The following MAP3K21 variants were observed in gnomAD, a reference collection of about 807,000 sequenced individuals.
The protein encoded by MAP3K21 is mitogen-activated protein kinase kinase kinase MLK4.
Under a neutral mutation model 86.1 loss-of-function variants are expected in MAP3K21, and 63 were observed. The observed-to-expected ratio is 0.73, with a 90% CI of 0.60 to 0.90. The LOEUF (loss-of-function observed/expected upper bound fraction) is 0.90. Ranked by LOEUF, MAP3K21 falls within the 40% of genes least tolerant of loss-of-function variation. The pLI is 0.00. For synonymous variants in MAP3K21, 558 were observed against 564.8 expected, an observed-to-expected ratio of 0.99 and a Z score of 0.17; for missense variants, 1,220 against 1,367.7, an observed-to-expected ratio of 0.89 and a Z score of 1.70.
At chr1:233,372,735 T>C (rs1663709291) in intron 6 of MAP3K21, 1 of 152,488 alleles carries the variant, frequency 6.6e-6, no homozygotes, top group South Asian at 2.1e-4. Context: ...AGTTAGGCTA[T>C]GAATCAGAAT....
intron 5 of MAP3K21, among the ~76,000 whole-genome samples, chr1:233,370,627 A>C (rs564797218): frequency 1.3e-5 from 2 of 152,352 alleles, no homozygotes; most frequent in South Asian, 4.1e-4. Flanking sequence ...GGTAAGTTAT[A>C]GGTCTCTTGC....
At chr1:233,343,190 G>A (rs1205656271) in intron 1 of MAP3K21, among the ~76,000 whole-genome samples, 1 of 152,134 alleles carries the variant, frequency 6.6e-6, no homozygotes, top group East Asian at 1.9e-4. Context: ...CACATCCATT[G>A]TGAAATCTCA....
At chr1:233,361,994 G>C in intron 4 of MAP3K21, 59 bp from the exon 5 acceptor site, 2 of 1,579,230 alleles carry the variant, frequency 1.3e-6, no homozygotes, top group South Asian at 2.3e-5. Flanking sequence ...TAGTGTAATA[G>C]ACGGAATTCC....
chr1:233,329,137 C>T (rs898533714), intron 1 of MAP3K21, among the ~76,000 whole-genome samples: 2 of 152,140 alleles, frequency 1.3e-5, no homozygotes, highest in Non-Finnish European at 2.9e-5. Context: ...GGCAGTCTGG[C>T]CTTTCAATAC....
At chr1:233,360,516 T>G (rs1049114686) in intron 4 of MAP3K21, among the ~76,000 whole-genome samples, 8 of 152,198 alleles carry the variant, frequency 5.3e-5, no homozygotes, top group African/African-American at 1.9e-4. Context: ...AAAGAAAGTT[T>G]CAAAACTGAA....
At chr1:233,362,343 T>C (rs760254136) in intron 5 of MAP3K21, 50 bp downstream of exon 5, 2 of 1,592,692 alleles carry the variant, frequency 1.3e-6, no homozygotes, top group Non-Finnish European at 1.7e-6. Flanking sequence ...GTCCTCCTTT[T>C]AATCAGTTTT....
chr1:233,377,404 T>C (rs1236375578), intron 8 of MAP3K21, among the ~76,000 whole-genome samples: 9 of 152,220 alleles, frequency 5.9e-5, no homozygotes, highest in Admixed American at 5.9e-4. Context: ...ATTGGTACTG[T>C]GCTCAATTTC....
intron 1 of MAP3K21, among the ~76,000 whole-genome samples, chr1:233,342,130 C>T (rs572235426): frequency 1.4e-4 from 22 of 152,220 alleles, no homozygotes; most frequent in African/African-American, 5.1e-4. Context: ...GGAATAAGGA[C>T]TGAGAAATAA....
chr1:233,353,717 T>C lies in MAP3K21; in HGVS notation c.987-90T>C, dbSNP rs1663293747. 3.3e-6 allele frequency: 4 copies of C among 1,222,840 alleles called. No individual in the cohort carries two copies. In the Admixed American group the frequency reaches 1.1e-4, roughly 35 times the overall value. 75.7% of individuals were successfully genotyped at this position (1,222,840 alleles called of 1,614,324 possible). A position where few individuals can be genotyped will look rare whatever the true frequency, so the allele number is the denominator to read the frequency against. ...AATAGAGTGTCCTATTAGGAATGGA[T>C]GAAGGTACTGAAGGGTTTATCTCAC... On this transcript the variant is annotated intron_variant, in intron 2 of 9. Transcript: ENST00000366624.
intron 9 of MAP3K21, 39 bp downstream of exon 9, chr1:233,379,749 T>C (rs1369255586): frequency 7.1e-7 from 1 of 1,409,516 alleles, no homozygotes; most frequent in African/African-American, 1.4e-5. Context: ...AAAACACTGC[T>C]GTAGAGATTA....
intron 1 of MAP3K21, among the ~76,000 whole-genome samples, chr1:233,338,206 T>C (rs766092532): frequency 2.6e-5 from 4 of 152,254 alleles, no homozygotes; most frequent in Non-Finnish European, 2.9e-5. Context: ...TTTCAGTATA[T>C]GAGCAATGTG....
chr1:233,344,264 C>G (rs1352616322), intron 1 of MAP3K21, among the ~76,000 whole-genome samples: 1 of 152,216 alleles, frequency 6.6e-6, no homozygotes, highest in Non-Finnish European at 1.5e-5. Context: ...AAAGAGCTCA[C>G]ATTGCCAAGA....
chr1:233,378,601 T>C (rs1368822424), intron 8 of MAP3K21, among the ~76,000 whole-genome samples: 1 of 152,226 alleles, frequency 6.6e-6, no homozygotes, highest in Non-Finnish European at 1.5e-5. Flanking sequence ...TTTAGTGATT[T>C]TGTGCCTATG....
intron 5 of MAP3K21, among the ~76,000 whole-genome samples, chr1:233,369,577 C>T (rs780342406): frequency 4.6e-5 from 7 of 152,130 alleles, no homozygotes; most frequent in South Asian, 2.1e-4. Flanking sequence ...CGCCTCTACC[C>T]GCTTTGTACA....
At chr1:233,377,048 T>C (rs1186314381) in intron 8 of MAP3K21, among the ~76,000 whole-genome samples, 1 of 152,062 alleles carries the variant, frequency 6.6e-6, no homozygotes, top group Non-Finnish European at 1.5e-5. Flanking sequence ...TGAGCCAAGA[T>C]TGTGCCACTG....
chr1:233,372,573 C>T (rs752958249), intron 6 of MAP3K21: 6 of 191,656 alleles, frequency 3.1e-5, no homozygotes, highest in Admixed American at 6.1e-5. Context: ...AAAATTTTTG[C>T]TTTTCAGGAT....
At chr1:233,375,631 T>G (rs1663778490) in intron 6 of MAP3K21, among the ~76,000 whole-genome samples, 2 of 152,348 alleles carry the variant, frequency 1.3e-5, no homozygotes, top group Middle Eastern at 3.4e-3. Flanking sequence ...AAATCCTAAT[T>G]GTTGCAAAAT....
At chr1:233,373,385 A>G (rs1381904029) in intron 6 of MAP3K21, 3 of 152,292 alleles carry the variant, frequency 2.0e-5, no homozygotes, top group African/African-American at 7.2e-5. Context: ...CACAGAAGCC[A>G]GGAAGTGGTA....
intron 5 of MAP3K21, among the ~76,000 whole-genome samples, chr1:233,371,244 G>A (rs1400988714): frequency 6.6e-6 from 1 of 152,198 alleles, no homozygotes; most frequent in Non-Finnish European, 1.5e-5. Flanking sequence ...GTTCACTTTA[G>A]CAGGTGAAGA....
Sources: gnomAD v4.1 joint callset for allele counts (sites outside exome capture counted in the v4.1 genomes callset) on GRCh38, gnomAD v4.1.1 for gene constraint, MANE v1.5 for transcripts, NCBI Gene and HGNC (gene_info 2026-07-23, HGNC 2026-07-21) for gene names.